The following DLGAP2 variants were observed in gnomAD, a reference collection of about 807,000 sequenced individuals.
DLGAP2 encodes the protein disks large-associated protein 2.
Under a neutral mutation model 100.3 loss-of-function variants are expected in DLGAP2, and 26 were observed. The ratio of observed to expected loss-of-function variants is 0.26; its 90% confidence interval spans 0.19 to 0.36. DLGAP2 has a LOEUF of 0.36. Among genes scored for constraint, DLGAP2 ranks in the 10% least tolerant of loss-of-function variants. The pLI is 1.00. For synonymous variants in DLGAP2, 886 were observed against 630.1 expected (o/e 1.41, Z -6.08); for missense variants, 1,858 against 1,453.2 (o/e 1.28, Z -4.53).
At position 1,052,212 on chromosome 8, in the gene DLGAP2, C is replaced by T. The variant is rs114129462; in HGVS notation, c.73+144246C>T. 2.5e-3 allele frequency among the ~76,000 whole-genome samples: 385 copies of T among 152,310 alleles called. 1 individual carries two copies. Among genetic ancestry groups the T allele is most frequent in the African/African-American group, 8.9e-3 (370 of 41,564 alleles). ...CCTGCCTCTGACCACCCCTTCCCCC[C>T]ATTCTCATGCATGTAGACAGTTCAT... On this transcript the variant is annotated intron_variant, in intron 2 of 14. Coordinates refer to ENST00000637795, the MANE Select transcript of DLGAP2 (RefSeq NM_001346810.2).
intron 1 of DLGAP2, among the ~76,000 whole-genome samples, chr8:795,596 C>G (rs35012775): frequency 0.47 from 68,561 of 145,652 alleles, 16,878 homozygotes; most frequent in African/African-American, 0.51. Context: ...CGGAGACTCA[C>G]AGGTCCGTCA....
At chr8:1,380,454 T>C (rs1796065247) in intron 3 of DLGAP2, 1 of 152,164 alleles carries the variant, frequency 6.6e-6, no homozygotes, top group Non-Finnish European at 1.5e-5. Context: ...CACAAATTCG[T>C]GCATAAAACT....
intron 1 of DLGAP2, among the ~76,000 whole-genome samples, chr8:831,403 C>T (rs1290781566): frequency 6.6e-6 from 1 of 151,974 alleles, no homozygotes; most frequent in Admixed American, 6.6e-5. Context: ...GTGTGATGTT[C>T]CCTGCCCTGT....
intron 3 of DLGAP2, among the ~76,000 whole-genome samples, chr8:1,306,441 C>G (rs547170902): frequency 2.0e-5 from 3 of 152,254 alleles, no homozygotes; most frequent in Non-Finnish European, 4.4e-5. Context: ...ATTAAAGACA[C>G]TAATGAACGG....
chr8:922,531 G>A (rs1294051829), intron 2 of DLGAP2, among the ~76,000 whole-genome samples: 1 of 152,200 alleles, frequency 6.6e-6, no homozygotes, highest in Admixed American at 6.5e-5. Context: ...ACTGTTGTTT[G>A]TTGGGTTTAA....
intron 1 of DLGAP2, among the ~76,000 whole-genome samples, chr8:762,831 C>G (rs574397974): frequency 7.2e-5 from 11 of 152,174 alleles, no homozygotes; most frequent in African/African-American, 2.2e-4. Context: ...GTACACACCA[C>G]TACACCAGGC....
chr8:852,296 G>T (rs1452510597), intron 1 of DLGAP2, among the ~76,000 whole-genome samples: 1 of 152,148 alleles, frequency 6.6e-6, no homozygotes, highest in Non-Finnish European at 1.5e-5. Flanking sequence ...CAGGCCTGGG[G>T]CTCTGCCTCC....
In DLGAP2 at chr8:1,443,306, G is replaced by A. The variant is rs549139111; in HGVS notation, c.107-58060G>A. On this transcript the variant is annotated intron_variant, in intron 3 of 14. Transcript: ENST00000637795. ...TTCCCTCCACTGCCCAGAGATAATC[G>A]CGGGTAACATTTGGATGTTAATACT... is the stretch of plus-strand genomic sequence containing the variant. Among the ~76,000 whole-genome samples the A allele has an allele frequency of 6.6e-5, 10 of 151,350 alleles. No individual in the cohort carries two copies. The South Asian group carries it at 1.3e-3, about 19-fold the overall frequency.
At chr8:879,308 ATT>A in intron 1 of DLGAP2, among the ~76,000 whole-genome samples, 1 of 152,184 alleles carries the variant, frequency 6.6e-6, no homozygotes, top group East Asian at 1.9e-4. Flanking sequence ...CGGAGAAGAA[ATT>A]TGTTTTGCTG....
intron 2 of DLGAP2, among the ~76,000 whole-genome samples, chr8:1,047,829 T>C (rs1802557880): frequency 6.6e-6 from 1 of 152,150 alleles, no homozygotes; most frequent in Non-Finnish European, 1.5e-5. Context: ...TTTCATCATA[T>C]GGATTTTGAG....
At chr8:1,154,586 C>A (rs775871709) in intron 2 of DLGAP2, among the ~76,000 whole-genome samples, 3 of 151,650 alleles carry the variant, frequency 2.0e-5, no homozygotes, top group African/African-American at 7.3e-5. Flanking sequence ...TTTCTTCTTT[C>A]ATCGCAATCA....
chr8:1,096,139 G>A (rs989928296), intron 2 of DLGAP2, among the ~76,000 whole-genome samples: 3 of 152,208 alleles, frequency 2.0e-5, no homozygotes, highest in Admixed American at 6.5e-5. Flanking sequence ...TTCTAGGTGT[G>A]TTTGGGGTTA....
intron 1 of DLGAP2, among the ~76,000 whole-genome samples, chr8:816,593 T>C (rs1002366918): frequency 2.6e-5 from 4 of 152,172 alleles, no homozygotes; most frequent in African/African-American, 9.7e-5. Flanking sequence ...AGAAATCTGT[T>C]AATCTGATAG....
intron 2 of DLGAP2, chr8:927,208 G>A (rs936210262): frequency 1.0e-6 from 1 of 985,296 alleles, no homozygotes; most frequent in Non-Finnish European, 1.2e-6. Flanking sequence ...AGGTAAGAAC[G>A]CTGTTTATAG....
chr8:1,010,264 GCA>G (rs145888455), intron 2 of DLGAP2, among the ~76,000 whole-genome samples: 28 of 147,896 alleles, frequency 1.9e-4, no homozygotes, highest in South Asian at 1.3e-3. Flanking sequence ...GCGCACACAT[GCA>G]CACACACATT....
At chr8:1,509,482 C>T (rs1159579190) in intron 4 of DLGAP2, among the ~76,000 whole-genome samples, 1 of 151,810 alleles carries the variant, frequency 6.6e-6, no homozygotes, top group African/African-American at 2.4e-5. Context: ...GGAATATAAT[C>T]CAAAAAGTTT....
At chr8:904,851 C>G (rs1798342291) in intron 1 of DLGAP2, among the ~76,000 whole-genome samples, 1 of 152,188 alleles carries the variant, frequency 6.6e-6, no homozygotes, top group African/African-American at 2.4e-5. Flanking sequence ...TTTAAAAGTG[C>G]CTTTGGGCAA....
Position 1,112,006 on chromosome 8 carries a change from C to G in DLGAP2, c.74-146845C>G, listed in dbSNP as rs1585071061. On this transcript the variant is annotated intron_variant, in intron 2 of 14. Coordinates refer to ENST00000637795, the MANE Select transcript of DLGAP2 (RefSeq NM_001346810.2). ...CACACTGCTTTCCACAGGGGTTGAA[C>G]TACTTTACACTCCCACCGACAGTGT... is the stretch of plus-strand genomic sequence containing the variant. 2.0e-5 allele frequency among the ~76,000 whole-genome samples: 3 copies of G among 152,052 alleles called. No homozygotes were observed. The South Asian group carries it at 6.2e-4, about 32-fold the overall frequency.
At position 1,271,189 on chromosome 8, in the gene DLGAP2, A is replaced by G. The variant is rs1359569737; in HGVS notation, c.106+12306A>G. On this transcript the variant is annotated intron_variant, in intron 3 of 14. Coordinates refer to ENST00000637795, the MANE Select transcript of DLGAP2 (RefSeq NM_001346810.2). Reference sequence around the variant, plus strand: ...AAACATGTGAAAAGGAGAAAATAACATGAATTGGGAGTCAAGATTAGTGCC... The same window carrying G: ...AAACATGTGAAAAGGAGAAAATAACGTGAATTGGGAGTCAAGATTAGTGCC... Among the ~76,000 whole-genome samples the G allele has an allele frequency of 5.3e-5, 8 of 152,338 alleles. 1 individual carries two copies. Among genetic ancestry groups the G allele is most frequent in the Middle Eastern group, 6.8e-3 (2 of 294 alleles).
Sources: gnomAD v4.1 joint callset for allele counts (sites outside exome capture counted in the v4.1 genomes callset) on GRCh38, gnomAD v4.1.1 for gene constraint, MANE v1.5 for transcripts, NCBI Gene and HGNC (gene_info 2026-07-23, HGNC 2026-07-21) for gene names.